Variants in RORA observed in about 807,000 individuals in gnomAD.
The protein encoded by RORA is RAR related orphan receptor A.
In RORA, 7 loss-of-function variants were observed where a neutral mutation model predicts 69.5. The ratio of observed to expected loss-of-function variants is 0.10; its 90% CI spans 0.06 to 0.19. RORA has a LOEUF of 0.19. Among genes scored for constraint, RORA ranks in the 10% least tolerant of loss-of-function variants. The pLI is 1.00. For synonymous variants in RORA, 261 were observed against 240.8 expected (o/e 1.08, Z -0.78); for missense variants, 457 against 663.0 (o/e 0.69, Z 3.41).
At chr15:60,871,905 G>T (rs1278722137) in intron 1 of RORA, among the ~76,000 whole-genome samples, 1 of 152,216 alleles carries the variant, frequency 6.6e-6, no homozygotes, top group Non-Finnish European at 1.5e-5. Flanking sequence ...TTTGGCAAAT[G>T]AATCATAGTT....
chr15:61,145,454 G>A (rs1157731450), intron 1 of RORA, among the ~76,000 whole-genome samples: 2 of 152,124 alleles, frequency 1.3e-5, no homozygotes, highest in Admixed American at 6.5e-5. Flanking sequence ...TACTTCCTTC[G>A]ATAACATGCT....
chr15:60,592,895 C>T (rs527844703), intron 2 of RORA: 7 of 456,794 alleles, frequency 1.5e-5, no homozygotes, highest in East Asian at 1.4e-4. Context: ...GGGCAAGAGG[C>T]TCGCAACCCG....
chr15:60,592,483 G>A (rs1353580878), intron 2 of RORA: 18 of 1,341,638 alleles, frequency 1.3e-5, no homozygotes, highest in Non-Finnish European at 1.6e-5. Context: ...CTCTGCCGCC[G>A]CCGCGCCGCC....
In RORA at chr15:60,575,717, G is replaced by A. The variant is rs140838319; in HGVS notation, c.197-43866C>T. Among the ~76,000 whole-genome samples the A allele has an allele frequency of 1.8e-4, 28 of 152,078 alleles. No individual in the cohort carries two copies. In the East Asian group the frequency reaches 5.4e-3, roughly 29 times the overall value. On this transcript the variant is annotated intron_variant, in intron 2 of 10. Transcript: ENST00000335670. ...TTTTTAAAATAGTTTTCCATGCCTG[G>A]GTCAAAATCACCGAATAATGCAAAA...
chr15:60,574,475 T>C (rs537282665), intron 2 of RORA, among the ~76,000 whole-genome samples: 2 of 152,376 alleles, frequency 1.3e-5, no homozygotes, highest in African/African-American at 4.8e-5. Context: ...ACTCATATGC[T>C]TGGGCACTGG....
intron 1 of RORA, among the ~76,000 whole-genome samples, chr15:61,041,380 A>G (rs1291661404): frequency 6.6e-6 from 1 of 150,852 alleles, no homozygotes; most frequent in Non-Finnish European, 1.5e-5. Context: ...TTTCCATCCT[A>G]TTAGAAAAAA....
At chr15:61,201,906 T>C (rs1294419746) in intron 1 of RORA, among the ~76,000 whole-genome samples, 3 of 151,740 alleles carry the variant, frequency 2.0e-5, no homozygotes, top group Non-Finnish European at 1.5e-5. Flanking sequence ...CTCATAACAT[T>C]ACAAGCGAAA....
intron 2 of RORA, among the ~76,000 whole-genome samples, chr15:60,618,164 T>G (rs980933343): frequency 6.6e-6 from 1 of 152,204 alleles, no homozygotes. Flanking sequence ...TTTCTTCTCC[T>G]GTGTTGCTGG....
At chr15:61,130,356 T>C (rs558781714) in intron 1 of RORA, among the ~76,000 whole-genome samples, 1 of 152,102 alleles carries the variant, frequency 6.6e-6, no homozygotes, top group Non-Finnish European at 1.5e-5. Flanking sequence ...TCATTTCACA[T>C]GTGGAAAAAA....
intron 1 of RORA, among the ~76,000 whole-genome samples, chr15:60,922,561 A>G (rs1456348251): frequency 6.6e-6 from 1 of 152,246 alleles, no homozygotes; most frequent in East Asian, 1.9e-4. Context: ...TTCCTAACTC[A>G]TAAATATATT....
chr15:60,556,909 C>G, intron 2 of RORA: 1 of 1,613,474 alleles, frequency 6.2e-7, no homozygotes, highest in Non-Finnish European at 8.5e-7. Context: ...TGGTGGCTTG[C>G]CATTCTGCCT....
chr15:60,556,401 T>C (rs2067360355), intron 2 of RORA, among the ~76,000 whole-genome samples: 1 of 152,194 alleles, frequency 6.6e-6, no homozygotes, highest in African/African-American at 2.4e-5. Flanking sequence ...ATTTAAGCCA[T>C]TTATTCTCAC....
chr15:60,911,162 T>C (rs1271463823), intron 1 of RORA, among the ~76,000 whole-genome samples: 1 of 144,446 alleles, frequency 6.9e-6, no homozygotes, highest in Non-Finnish European at 1.5e-5. Flanking sequence ...CTCGAATTCC[T>C]GACCTCAGGT....
At chr15:60,789,695 A>C (rs923889790) in intron 1 of RORA, among the ~76,000 whole-genome samples, 1 of 152,238 alleles carries the variant, frequency 6.6e-6, no homozygotes, top group Non-Finnish European at 1.5e-5. Flanking sequence ...AATATTACAG[A>C]AACCTATAAC....
intron 1 of RORA, among the ~76,000 whole-genome samples, chr15:61,150,931 A>T (rs1375561000): frequency 6.6e-6 from 1 of 152,186 alleles, no homozygotes; most frequent in Non-Finnish European, 1.5e-5. Context: ...AACTATGCAT[A>T]TCTGCAGAGC....
chr15:60,953,765 T>C (rs969224556), intron 1 of RORA, among the ~76,000 whole-genome samples: 1 of 151,898 alleles, frequency 6.6e-6, no homozygotes, highest in African/African-American at 2.4e-5. Context: ...CCAGTTAGAA[T>C]GGCGATCATT....
At chr15:60,596,235 AG>A (rs2068663394) in intron 2 of RORA, among the ~76,000 whole-genome samples, 1 of 152,108 alleles carries the variant, frequency 6.6e-6, no homozygotes, top group South Asian at 2.1e-4. Flanking sequence ...CCTAGGACAA[AG>A]GTGATTTCAA....
At chr15:60,582,568 C>T (rs570943479) in intron 2 of RORA, among the ~76,000 whole-genome samples, 1 of 152,288 alleles carries the variant, frequency 6.6e-6, no homozygotes, top group East Asian at 1.9e-4. Context: ...CACTACTCAA[C>T]ATTGTTTTGC....
intron 2 of RORA, chr15:60,676,963 G>A: frequency 3.1e-6 from 1 of 321,048 alleles, no homozygotes; most frequent in Non-Finnish European, 6.4e-6. Flanking sequence ...ATGTCCAGTG[G>A]AGCTGAAGTA....
Sources: gnomAD v4.1 joint callset for allele counts (sites outside exome capture counted in the v4.1 genomes callset) on GRCh38, gnomAD v4.1.1 for gene constraint, MANE v1.5 for transcripts, NCBI Gene and HGNC (gene_info 2026-07-23, HGNC 2026-07-21) for gene names.